The following FGF12 variants were observed in gnomAD, a reference collection of about 807,000 sequenced individuals.
FGF12 encodes fibroblast growth factor 12.
FGF12 carries 14 observed loss-of-function variants against 23.6 expected under a neutral mutation model. The ratio of observed to expected loss-of-function variants is 0.59; its 90% confidence interval spans 0.39 to 0.93. The LOEUF is 0.93. Among genes scored for constraint, FGF12 ranks in the 40% least tolerant of loss-of-function variants. The probability of loss-of-function intolerance (pLI) is 0.00; values close to 1 mark genes in which losing one functional copy is unlikely to be tolerated. For missense variants in FGF12, 175 were observed against 217.8 expected (o/e 0.80, Z 1.24); for synonymous variants, 62 against 77.3 (o/e 0.80, Z 1.04).
At chr3:192,475,521 A>T (rs1577005682) in intron 2 of FGF12, among the ~76,000 whole-genome samples, 1 of 152,228 alleles carries the variant, frequency 6.6e-6, no homozygotes, top group African/African-American at 2.4e-5. Flanking sequence ...TTCCAGAAAT[A>T]CTGAAATAAA....
chr3:192,262,486 C>T (rs1014250443), intron 4 of FGF12, among the ~76,000 whole-genome samples: 6 of 152,002 alleles, frequency 3.9e-5, no homozygotes, highest in Admixed American at 6.6e-5. Context: ...ATGTTTTGGT[C>T]AACAATGTAC....
intron 2 of FGF12, among the ~76,000 whole-genome samples, chr3:192,572,891 A>G (rs1712703751): frequency 6.6e-6 from 1 of 152,180 alleles, no homozygotes; most frequent in African/African-American, 2.4e-5. Flanking sequence ...TCATCCTCAT[A>G]GTTTTTCCAA....
At chr3:192,670,234 C>T (rs1483109110) in intron 2 of FGF12, among the ~76,000 whole-genome samples, 1 of 152,010 alleles carries the variant, frequency 6.6e-6, no homozygotes, top group African/African-American at 2.4e-5. Flanking sequence ...CTATTCTTCA[C>T]ACTAATTTTT....
At chr3:192,392,571 G>A (rs1006821628) in intron 2 of FGF12, among the ~76,000 whole-genome samples, 4 of 139,576 alleles carry the variant, frequency 2.9e-5, no homozygotes, top group Admixed American at 7.5e-5. Context: ...ACTCCAGCCT[G>A]GGCAACAAAA....
chr3:192,448,555 G>C lies in FGF12; in HGVS notation c.14-88017C>G, dbSNP rs573971013. 5.7e-4 allele frequency among the ~76,000 whole-genome samples: 87 copies of C among 152,234 alleles called. 1 individual carries two copies. In the South Asian group the frequency reaches 0.018, roughly 31 times the overall value. The stretch of plus-strand genomic sequence containing the variant: ...CAAATATGCATTTTGCCCAAGTGAC[G>C]GCACTTTGACAGTATACTAGGCTTG... On this transcript the variant is annotated intron_variant, in intron 2 of 5. Transcript: ENST00000445105.
intron 4 of FGF12, among the ~76,000 whole-genome samples, chr3:192,306,525 G>A (rs1310895495): frequency 6.6e-6 from 1 of 152,178 alleles, no homozygotes; most frequent in Non-Finnish European, 1.5e-5. Context: ...GGCTGAGGCA[G>A]GAGGATTGCT....
intron 2 of FGF12, among the ~76,000 whole-genome samples, chr3:192,509,184 T>G (rs919466353): frequency 6.6e-6 from 1 of 152,168 alleles, no homozygotes; most frequent in Non-Finnish European, 1.5e-5. Context: ...GGAAGGTTAA[T>G]TGGCATGGTG....
At chr3:192,698,461 A>G (rs1262622591) in intron 2 of FGF12, among the ~76,000 whole-genome samples, 1 of 152,136 alleles carries the variant, frequency 6.6e-6, no homozygotes, top group East Asian at 1.9e-4. Flanking sequence ...AAACACCAAT[A>G]TCATATAATA....
chr3:192,221,287 C>G (rs890577028), intron 4 of FGF12, among the ~76,000 whole-genome samples: 36 of 152,276 alleles, frequency 2.4e-4, no homozygotes, highest in Middle Eastern at 3.4e-3. Flanking sequence ...GCCTTCTCAC[C>G]TTAAAGCCAC....
intron 2 of FGF12, among the ~76,000 whole-genome samples, chr3:192,618,713 T>A (rs189630426): frequency 4.7e-4 from 71 of 152,190 alleles, no homozygotes; most frequent in African/African-American, 1.5e-3. Flanking sequence ...AATAACGCTG[T>A]TCAATTACAA....
chr3:192,217,175 C>G (rs962859357), intron 4 of FGF12, among the ~76,000 whole-genome samples: 1 of 152,122 alleles, frequency 6.6e-6, no homozygotes, highest in African/African-American at 2.4e-5. Flanking sequence ...TTTCCTCATC[C>G]CTAAAAGAGG....
Position 192,143,921 on chromosome 3 carries a change from C to T in FGF12, c.*88G>A, listed in dbSNP as rs1713546359. The T allele has an allele frequency of 3.6e-6, 3 of 839,010 alleles. No individual in the cohort carries two copies. Among genetic ancestry groups the T allele is most frequent in the South Asian group, 3.0e-5 (2 of 67,220 alleles). 52.0% of individuals were successfully genotyped at this position (839,010 alleles called of 1,614,324 possible). ...TGCGTTGTCATTTTATTTTCCTCTC[C>T]TTGGGTGGATTTACTGGAAGGAAAT... On this transcript the variant is annotated 3_prime_UTR_variant, in exon 6 of 6. Coordinates refer to ENST00000445105, the MANE Select transcript of FGF12 (RefSeq NM_004113.6).
intron 4 of FGF12, among the ~76,000 whole-genome samples, chr3:192,302,623 T>C (rs1715407926): frequency 6.6e-6 from 1 of 152,184 alleles, no homozygotes; most frequent in East Asian, 1.9e-4. Flanking sequence ...ATATTAGTCA[T>C]TCAACGGGCT....
intron 2 of FGF12, among the ~76,000 whole-genome samples, chr3:192,537,656 ATTGAG>A (rs1725257904): frequency 6.6e-6 from 1 of 152,094 alleles, no homozygotes; most frequent in Non-Finnish European, 1.5e-5. Flanking sequence ...TTTTTTCCCT[ATTGAG>A]TTGTTTGAGC....
At chr3:192,458,240 G>A (rs1232819671) in intron 2 of FGF12, among the ~76,000 whole-genome samples, 1 of 152,128 alleles carries the variant, frequency 6.6e-6, no homozygotes, top group South Asian at 2.1e-4. Flanking sequence ...GTCCCTACTG[G>A]GGCACTGCCT....
chr3:192,450,337 C>T (rs745637476), intron 2 of FGF12, among the ~76,000 whole-genome samples: 1 of 152,176 alleles, frequency 6.6e-6, no homozygotes, highest in Non-Finnish European at 1.5e-5. Context: ...CTACCCATTA[C>T]ACAGAAATAG....
chr3:192,618,215 A>G (rs991396705), intron 2 of FGF12, among the ~76,000 whole-genome samples: 2 of 151,744 alleles, frequency 1.3e-5, no homozygotes, highest in African/African-American at 2.4e-5. Flanking sequence ...GAAAAAGAGT[A>G]CATTCTTTTA....
At chr3:192,383,240 C>T (rs1719902231) in intron 2 of FGF12, among the ~76,000 whole-genome samples, 1 of 152,146 alleles carries the variant, frequency 6.6e-6, no homozygotes, top group Non-Finnish European at 1.5e-5. Context: ...ACATACTTCT[C>T]TCCTTGTGAG....
chr3:192,230,557 G>C (rs1404514957), intron 4 of FGF12, among the ~76,000 whole-genome samples: 2 of 152,070 alleles, frequency 1.3e-5, no homozygotes. Context: ...ACAACTAAGA[G>C]TAGGAAATTC....
Sources: allele counts gnomAD v4.1 joint callset (sites outside exome capture counted in the v4.1 genomes callset), GRCh38; gene constraint gnomAD v4.1.1; transcripts MANE v1.5; gene names NCBI Gene and HGNC (gene_info 2026-07-23, HGNC 2026-07-21).